Variants in PAQR5 observed in about 807,000 individuals in gnomAD.
The protein encoded by PAQR5 is progestin and adipoQ receptor family member 5, also known as membrane progestin receptor gamma.
Under a neutral mutation model 34.5 loss-of-function variants are expected in PAQR5, and 20 were observed. The observed-to-expected ratio is 0.58, with a 90% confidence interval of 0.41 to 0.84. PAQR5 has a LOEUF of 0.84. Among genes scored for constraint, PAQR5 ranks in the 40% least tolerant of loss-of-function variants. The probability of loss-of-function intolerance (pLI) is 0.00; values close to 1 mark genes in which losing one functional copy is unlikely to be tolerated. For synonymous variants in PAQR5, 131 were observed against 155.6 expected, an observed-to-expected ratio of 0.84 and a Z score of 1.18; for missense variants, 378 against 412.7, an observed-to-expected ratio of 0.92 and a Z score of 0.73.
intron 6 of PAQR5, among the ~76,000 whole-genome samples, chr15:69,393,998 C>T (rs2056341788): frequency 6.6e-6 from 1 of 152,132 alleles, no homozygotes; most frequent in Non-Finnish European, 1.5e-5. Flanking sequence ...CTCATGCCTG[C>T]ACAGGAAACG....
chr15:69,364,029 A>G (rs897618214), intron 3 of PAQR5, among the ~76,000 whole-genome samples: 50 of 152,220 alleles, frequency 3.3e-4, no homozygotes, highest in African/African-American at 1.2e-3. Context: ...TCTGCCACAC[A>G]GTCATAAACT....
At chr15:69,315,012 C>G (rs8034574) in intron 1 of PAQR5, among the ~76,000 whole-genome samples, 7,502 of 152,174 alleles carry the variant, frequency 0.049, 382 homozygotes, top group East Asian at 0.15. Context: ...ACGGACCACT[C>G]TGGAGGAGCA....
intron 6 of PAQR5, among the ~76,000 whole-genome samples, chr15:69,393,182 T>C (rs969486647): frequency 2.8e-4 from 17 of 60,446 alleles, no homozygotes; most frequent in African/African-American, 9.6e-4. Flanking sequence ...AGTGGGCATG[T>C]GGCCCTTCCA....
chr15:69,350,994 T>C (rs2054903167), intron 2 of PAQR5, among the ~76,000 whole-genome samples: 1 of 152,214 alleles, frequency 6.6e-6, no homozygotes, highest in African/African-American at 2.4e-5. Flanking sequence ...GGCCCTCTAG[T>C]CAGAGGCGAG....
chr15:69,311,732 C>A (rs1455412368), intron 1 of PAQR5, among the ~76,000 whole-genome samples: 1 of 152,210 alleles, frequency 6.6e-6, no homozygotes, highest in Non-Finnish European at 1.5e-5. Context: ...ACCGAGGCCT[C>A]ACGCTCACTG....
At chr15:69,387,592 T>C (rs1370524611) in intron 5 of PAQR5, among the ~76,000 whole-genome samples, 1 of 152,216 alleles carries the variant, frequency 6.6e-6, no homozygotes, top group East Asian at 1.9e-4. Context: ...AGGTAGGTCC[T>C]AGTGTCATAT....
At chr15:69,349,851 A>G (rs1164219521) in intron 2 of PAQR5, among the ~76,000 whole-genome samples, 1 of 152,046 alleles carries the variant, frequency 6.6e-6, no homozygotes, top group Non-Finnish European at 1.5e-5. Context: ...CATGTTGGCC[A>G]GGCTGGTCTC....
At chr15:69,354,478 T>A (rs1293371876) in intron 2 of PAQR5, among the ~76,000 whole-genome samples, 1 of 152,238 alleles carries the variant, frequency 6.6e-6, no homozygotes, top group Admixed American at 6.5e-5. Context: ...AAGAGAAGAA[T>A]AAACATTACC....
intron 1 of PAQR5, among the ~76,000 whole-genome samples, chr15:69,332,803 A>G (rs1050183329): frequency 6.7e-6 from 1 of 148,744 alleles, no homozygotes; most frequent in Non-Finnish European, 1.5e-5. Flanking sequence ...AAAAAAAAAA[A>G]AAGAAACGGC....
intron 1 of PAQR5, among the ~76,000 whole-genome samples, chr15:69,301,630 A>C (rs1470424955): frequency 6.6e-6 from 1 of 152,086 alleles, no homozygotes. Flanking sequence ...TGGTTTTAGG[A>C]GATAGTAAGT....
chr15:69,370,971 A>G (rs1436628122), intron 3 of PAQR5, among the ~76,000 whole-genome samples: 2 of 152,266 alleles, frequency 1.3e-5, no homozygotes, highest in Admixed American at 1.3e-4. Flanking sequence ...AAAGAGTAAT[A>G]AAACAAAAAC....
intron 2 of PAQR5, among the ~76,000 whole-genome samples, chr15:69,338,093 CA>C (rs926013757): frequency 6.6e-6 from 1 of 151,932 alleles, no homozygotes; most frequent in Non-Finnish European, 1.5e-5. Flanking sequence ...AACAAACAAA[CA>C]AAAAAACCAG....
chr15:69,362,625 A>G (rs547983674), intron 3 of PAQR5, among the ~76,000 whole-genome samples: 6 of 152,224 alleles, frequency 3.9e-5, no homozygotes, highest in Non-Finnish European at 7.3e-5. Context: ...CTTCTGTAAA[A>G]TGGGAATGAC....
At chr15:69,387,712 C>T (rs2056151535) in intron 5 of PAQR5, among the ~76,000 whole-genome samples, 1 of 152,226 alleles carries the variant, frequency 6.6e-6, no homozygotes, top group South Asian at 2.1e-4. Context: ...CACCACCAAC[C>T]TGTCCCCTGC....
chr15:69,319,174 T>TAA (rs2054030525), intron 1 of PAQR5, among the ~76,000 whole-genome samples: 1 of 1,280 alleles, frequency 7.8e-4, no homozygotes, highest in Non-Finnish European at 0.028. Flanking sequence ...TATATATATA[T>TAA]ATATATATAT....
intron 3 of PAQR5, among the ~76,000 whole-genome samples, chr15:69,365,858 A>G (rs1446557466): frequency 1.3e-5 from 2 of 152,216 alleles, no homozygotes; most frequent in Non-Finnish European, 2.9e-5. Flanking sequence ...CTTTTAGTCT[A>G]CGTGAATGGC....
chr15:69,390,536 A>G (rs1271650311), intron 6 of PAQR5, among the ~76,000 whole-genome samples: 1 of 152,174 alleles, frequency 6.6e-6, no homozygotes, highest in East Asian at 1.9e-4. Flanking sequence ...CAAATTATGC[A>G]GCTGGTTCCA....
chr15:69,367,585 G>T (rs2055435672), intron 3 of PAQR5, among the ~76,000 whole-genome samples: 1 of 152,200 alleles, frequency 6.6e-6, no homozygotes, highest in African/African-American at 2.4e-5. Flanking sequence ...GGAAGCCAGG[G>T]TCTACAGCAA....
At chr15:69,389,858 G>A (rs2056209858) in intron 6 of PAQR5, 78 bp downstream of exon 6, 1 of 1,510,700 alleles carries the variant, frequency 6.6e-7, no homozygotes, top group South Asian at 1.2e-5. Context: ...GAGGGAGCCG[G>A]GGAAGAGGTG....
Sources: allele counts gnomAD v4.1 joint callset (sites outside exome capture counted in the v4.1 genomes callset), GRCh38; gene constraint gnomAD v4.1.1; transcripts MANE v1.5; gene names NCBI Gene and HGNC (gene_info 2026-07-23, HGNC 2026-07-21).